FRMPD2: variants seen among roughly 807,000 people sequenced by gnomAD.
The protein encoded by FRMPD2 is FERM and PDZ domain-containing protein 2.
Under a neutral mutation model 140.1 loss-of-function variants are expected in FRMPD2, and 96 were observed. The observed-to-expected ratio is 0.69, with a 90% confidence interval of 0.58 to 0.81. The LOEUF is 0.81. Ranked by LOEUF, FRMPD2 falls within the 40% of genes least tolerant of loss-of-function variation. FRMPD2 has a pLI of 0.00. For synonymous variants in FRMPD2, 449 were observed against 547.6 expected (o/e 0.82, Z 2.52); for missense variants, 1,240 against 1,447.4 (o/e 0.86, Z 2.32).
At position 48,168,582 on chromosome 10, in the gene FRMPD2, C is replaced by G. The variant is rs1588800560; in HGVS notation, c.3537+13G>C. On this transcript the variant is annotated intron_variant, in intron 27 of 28. Coordinates refer to ENST00000374201, the MANE Select transcript of FRMPD2 (RefSeq NM_001018071.4). ...AGAGCCAGGTAGAGAGAGTAGAAGACACTGCAGCCTACCTGCCATTCCTGC... is the reference window on the plus strand; with the variant it reads ...AGAGCCAGGTAGAGAGAGTAGAAGAGACTGCAGCCTACCTGCCATTCCTGC... 3.9e-6 allele frequency: 4 copies of G among 1,016,788 alleles called. No homozygotes were observed. The African/African-American group carries it at 5.1e-5, about 13-fold the overall frequency. The allele number at this position is 1,016,788 out of a possible 1,614,324, so 63.0% of individuals were successfully genotyped here. A position where few individuals can be genotyped will look rare whatever the true frequency, so the allele number is the denominator to read the frequency against.
chr10:48,182,492 C>A (rs1838576227), intron 20 of FRMPD2, among the ~76,000 whole-genome samples: 1 of 152,198 alleles, frequency 6.6e-6, no homozygotes, highest in Non-Finnish European at 1.5e-5. Context: ...AGCCCAGCTG[C>A]CTTAACAGCA....
At chr10:48,178,377 G>A (rs1420648019) in intron 21 of FRMPD2, among the ~76,000 whole-genome samples, 1 of 152,168 alleles carries the variant, frequency 6.6e-6, no homozygotes, top group East Asian at 1.9e-4. Context: ...GCCACTTCTA[G>A]GCAGAGAATG....
chr10:48,225,742 C>A (rs536443167), intron 10 of FRMPD2, among the ~76,000 whole-genome samples: 1 of 152,184 alleles, frequency 6.6e-6, no homozygotes, highest in Non-Finnish European at 1.5e-5. Context: ...AATGACAAGC[C>A]TTTTCCCATA....
rs561931240 is a variant in FRMPD2 at position 48,178,226 on chromosome 10, G to A, written c.2791-75C>T. The A allele has an allele frequency of 1.2e-5, 13 of 1,102,178 alleles. 1 individual carries two copies. Among genetic ancestry groups the A allele is most frequent in the South Asian group, 5.2e-5 (4 of 76,196 alleles). The allele number at this position is 1,102,178 out of a possible 1,614,324, so 68.3% of individuals were successfully genotyped here. On this transcript the variant is annotated intron_variant, in intron 21 of 28. Coordinates refer to ENST00000374201, the MANE Select transcript of FRMPD2 (RefSeq NM_001018071.4). ...ACCTCTTAGCTCATACTGCTCTCAG[G>A]AGCAGGCAGCATTGCACCTCAGAAA...
intron 13 of FRMPD2, among the ~76,000 whole-genome samples, chr10:48,208,805 C>A (rs146540539): frequency 6.6e-6 from 1 of 152,284 alleles, no homozygotes; most frequent in Non-Finnish European, 1.5e-5. Context: ...CATCTTACTA[C>A]AAGGCCTGTC....
chr10:48,231,888 C>T (rs1839855037), intron 10 of FRMPD2, among the ~76,000 whole-genome samples: 1 of 152,224 alleles, frequency 6.6e-6, no homozygotes, highest in Non-Finnish European at 1.5e-5. Context: ...CAGCAAGCCA[C>T]AGAAACCCAC....
chr10:48,209,163 T>G (rs540225252), intron 13 of FRMPD2, among the ~76,000 whole-genome samples: 262 of 152,332 alleles, frequency 1.7e-3, no homozygotes, highest in African/African-American at 6.0e-3. Context: ...TGTAAAGCAT[T>G]TGTAATTATC....
chr10:48,200,304 A>C (rs2131861070), intron 15 of FRMPD2, among the ~76,000 whole-genome samples: 1 of 152,282 alleles, frequency 6.6e-6, no homozygotes, highest in South Asian at 2.1e-4. Flanking sequence ...AGCTCACCTG[A>C]ACCAACCAAT....
rs915903719 is a variant in FRMPD2, at chr10:48,257,286, T to G, written c.26-5595A>C. ...ATTTTTTTATTTTATTTACTTATTA[T>G]TATTATTATTTGAGGCAGAGTTTCA... On this transcript the variant is annotated intron_variant, in intron 1 of 28. Coordinates refer to ENST00000374201, the MANE Select transcript of FRMPD2 (RefSeq NM_001018071.4). Among the ~76,000 whole-genome samples, 4 of 151,858 alleles carry G rather than the reference T, an allele frequency of 2.6e-5. No homozygotes were observed. In the East Asian group the frequency reaches 7.7e-4, roughly 29 times the overall value.
intron 12 of FRMPD2, 123 bp downstream of exon 12, chr10:48,222,190 C>G: frequency 1.1e-6 from 1 of 928,128 alleles, no homozygotes; most frequent in Non-Finnish European, 1.6e-6. Flanking sequence ...GTAGTTTACT[C>G]CAATCTAGCT....
chr10:48,244,341 C>A (rs1840195523), intron 4 of FRMPD2, among the ~76,000 whole-genome samples: 1 of 152,188 alleles, frequency 6.6e-6, no homozygotes, highest in Non-Finnish European at 1.5e-5. Context: ...AAAAATGACT[C>A]TAAAAAATCT....
chr10:48,174,556 G>A (rs1301437860), intron 24 of FRMPD2, among the ~76,000 whole-genome samples: 1 of 151,666 alleles, frequency 6.6e-6, no homozygotes, highest in Non-Finnish European at 1.5e-5. Context: ...AGCCAGGCTA[G>A]AGCAGTCTCT....
intron 12 of FRMPD2, among the ~76,000 whole-genome samples, chr10:48,215,493 G>A (rs886085773): frequency 4.6e-5 from 7 of 152,184 alleles, no homozygotes; most frequent in East Asian, 1.9e-4. Context: ...AAATAGCACC[G>A]GCTTTTCCGG....
At chr10:48,242,419 G>T in intron 4 of FRMPD2, 67 bp from the exon 5 acceptor site, 2 of 1,427,868 alleles carry the variant, frequency 1.4e-6, no homozygotes, top group Non-Finnish European at 1.9e-6. Flanking sequence ...CCAGCACCTT[G>T]TCAGGCAGGC....
intron 12 of FRMPD2, among the ~76,000 whole-genome samples, chr10:48,218,916 G>A (rs1839515466): frequency 6.6e-6 from 1 of 152,196 alleles, no homozygotes; most frequent in South Asian, 2.1e-4. Context: ...TAAATGACAT[G>A]TTTTATTCAA....
rs185510487 is a variant in FRMPD2, at chr10:48,205,927, A to G, written c.1797+821T>C. Among the ~76,000 whole-genome samples, 305 of 152,374 alleles carry G rather than the reference A, an allele frequency of 2.0e-3. 7 individuals are homozygous for G. The highest frequency in any genetic ancestry group is 5.3e-4 in the Non-Finnish European group (36 of 68,044). On this transcript the variant is annotated intron_variant, in intron 14 of 28. Transcript: ENST00000374201. ...CAGGAAACTCTAACATCAGATAATG[A>G]TACAAATAGTGATGTAATTAGAAAA...
At chr10:48,219,041 G>A (rs1839518301) in intron 12 of FRMPD2, among the ~76,000 whole-genome samples, 1 of 152,104 alleles carries the variant, frequency 6.6e-6, no homozygotes, top group Non-Finnish European at 1.5e-5. Context: ...CCACTTGTGG[G>A]GCCAGGAACT....
At position 48,239,630 on chromosome 10, in the gene FRMPD2, T is replaced by C. The variant is rs781183580; in HGVS notation, c.763A>G (p.Ser255Gly). Residue 255 changes from serine (S) to glycine (G), a missense_variant, in exon 7 of 29, where the codon AGT becomes GGT. This residue lies in a region of FRMPD2 where 1,161 missense variants were observed against 1,055.9 expected (regional missense o/e 1.10). Transcript: ENST00000374201. ...PEPHWSTLTH[S>G]HCSLLVNRAL... Reference sequence around the variant, plus strand: ...CGGTTAACAAGGAGGCTGCAGTGACTGTGTGTCAAGGTGCTCCAATGGGGC... The same window carrying C: ...CGGTTAACAAGGAGGCTGCAGTGACCGTGTGTCAAGGTGCTCCAATGGGGC... 7.4e-6 allele frequency: 12 copies of C among 1,614,008 alleles called. No individual in the cohort carries two copies. The East Asian group carries it at 2.4e-4, about 33-fold the overall frequency.
intron 5 of FRMPD2, among the ~76,000 whole-genome samples, chr10:48,241,502 C>A (rs924491004): frequency 6.6e-6 from 1 of 152,226 alleles, no homozygotes; most frequent in Non-Finnish European, 1.5e-5. Flanking sequence ...GGCCTGTCTC[C>A]AGCTGAGACT....
Sources: gnomAD v4.1 joint callset for allele counts (sites outside exome capture counted in the v4.1 genomes callset) on GRCh38, gnomAD v4.1.1 for gene constraint, gnomAD v4.1.1 regional missense constraint, MANE v1.5 for transcripts, NCBI Gene and HGNC (gene_info 2026-07-23, HGNC 2026-07-21) for gene names.